TPTE: variants seen among roughly 807,000 people sequenced by gnomAD.
The protein encoded by TPTE is putative tyrosine-protein phosphatase TPTE.
Under a neutral mutation model 84.1 loss-of-function variants are expected in TPTE, and 59 were observed. The observed-to-expected ratio is 0.70, with a 90% confidence interval of 0.57 to 0.87. The LOEUF (loss-of-function observed/expected upper bound fraction) is 0.87. Among genes scored for constraint, TPTE ranks in the 40% least tolerant of loss-of-function variants. TPTE has a pLI of 0.00. For missense variants in TPTE, 382 were observed against 659.6 expected (o/e 0.58, Z 4.61); for synonymous variants, 130 against 223.5 (o/e 0.58, Z 3.73).
At position 10,564,489 on chromosome 21, in the gene TPTE, G is replaced by A. The variant is rs570617883; in HGVS notation, c.447-3181G>A. 9.8e-5 allele frequency among the ~76,000 whole-genome samples: 15 copies of A among 152,422 alleles called. No individual in the cohort carries two copies. In the South Asian group the frequency reaches 2.9e-3, roughly 29 times the overall value. On this transcript the variant is annotated intron_variant, in intron 10 of 23. Coordinates refer to ENST00000618007, the MANE Select transcript of TPTE (RefSeq NM_199261.4). ...CACACCACTGCACTCTAGCCTGGGT[G>A]ACAGAGTGAGATTCAGTCTCAAAAA...
chr21:10,538,827 C>T, intron 4 of TPTE, 93 bp downstream of exon 4: 1 of 1,612,462 alleles, frequency 6.2e-7, no homozygotes, highest in East Asian at 2.2e-5. Flanking sequence ...TATATCCATC[C>T]ATCCATCCAT....
chr21:10,590,246 G>A (rs2075442631), intron 17 of TPTE, among the ~76,000 whole-genome samples: 1 of 152,310 alleles, frequency 6.6e-6, no homozygotes, highest in Non-Finnish European at 1.5e-5. Flanking sequence ...GATGGTGAGA[G>A]ATATTTTTAC....
At chr21:10,528,592 T>C (rs1490487626) in intron 3 of TPTE, among the ~76,000 whole-genome samples, 6 of 152,306 alleles carry the variant, frequency 3.9e-5, no homozygotes, top group Admixed American at 3.9e-4. Context: ...ACATAGAGCT[T>C]TATAATAAGC....
chr21:10,572,576 C>T (rs1399511658), intron 14 of TPTE, among the ~76,000 whole-genome samples: 1 of 151,122 alleles, frequency 6.6e-6, no homozygotes, highest in East Asian at 2.0e-4. Context: ...GGTCAGTAGA[C>T]AATAAGATGG....
chr21:10,553,252 A>G (rs1326865825), intron 8 of TPTE, among the ~76,000 whole-genome samples: 1 of 152,294 alleles, frequency 6.6e-6, no homozygotes, highest in Non-Finnish European at 1.5e-5. Flanking sequence ...TAATGAAACA[A>G]TACATTCTTA....
intron 3 of TPTE, among the ~76,000 whole-genome samples, chr21:10,535,867 T>C (rs2074257388): frequency 6.6e-6 from 1 of 152,310 alleles, no homozygotes; most frequent in African/African-American, 2.4e-5. Flanking sequence ...TCATATCTTC[T>C]GGGCAAGAAA....
intron 1 of TPTE, among the ~76,000 whole-genome samples, chr21:10,522,286 C>G (rs1333886714): frequency 2.0e-5 from 3 of 152,294 alleles, no homozygotes; most frequent in Non-Finnish European, 4.4e-5. Context: ...GGCCGTCACA[C>G]TCACGCTGCA....
At chr21:10,594,102 C>T (rs1423369770) in intron 19 of TPTE, among the ~76,000 whole-genome samples, 10 of 152,424 alleles carry the variant, frequency 6.6e-5, no homozygotes, top group African/African-American at 1.7e-4. Context: ...ATAAACTAAA[C>T]GTTTCAACCT....
chr21:10,529,573 T>C (rs2074140859), intron 3 of TPTE, among the ~76,000 whole-genome samples: 1 of 152,312 alleles, frequency 6.6e-6, no homozygotes, highest in Non-Finnish European at 1.5e-5. Flanking sequence ...TTACAACATC[T>C]TTTATATGAG....
chr21:10,602,309 A>G (rs1386745627), intron 22 of TPTE, among the ~76,000 whole-genome samples, 159 bp downstream of exon 22: 1 of 152,312 alleles, frequency 6.6e-6, no homozygotes, highest in East Asian at 1.9e-4. Flanking sequence ...TATGTAATTT[A>G]AATAATTTTT....
intron 3 of TPTE, among the ~76,000 whole-genome samples, chr21:10,532,934 C>G (rs1387832976): frequency 1.3e-5 from 2 of 152,300 alleles, no homozygotes; most frequent in African/African-American, 2.4e-5. Context: ...TTTGCTGTTT[C>G]TAGAAGGTGT....
intron 13 of TPTE, 91 bp from the exon 14 acceptor site, chr21:10,570,394 A>C: frequency 6.3e-7 from 1 of 1,593,408 alleles, no homozygotes; most frequent in East Asian, 2.2e-5. Flanking sequence ...TTTTCTGTGA[A>C]AATGGAATCT....
chr21:10,601,501 A>C (rs79645572), intron 21 of TPTE, among the ~76,000 whole-genome samples: 1 of 147,040 alleles, frequency 6.8e-6, no homozygotes, highest in Middle Eastern at 3.4e-3. Context: ...TGTCTCAAAC[A>C]AAAAAAAAAG....
At position 10,538,354 on chromosome 21, in the gene TPTE, A is replaced by G. The variant is rs563142156; in HGVS notation, c.-43-327A>G. ...CTTTCGAGGCAGCACATTTAGTGGA[A>G]TAAGAGGGCTGACTACCTCCACACA... On this transcript the variant is annotated intron_variant, in intron 3 of 23. Coordinates refer to ENST00000618007, the MANE Select transcript of TPTE (RefSeq NM_199261.4). 3.9e-5 allele frequency among the ~76,000 whole-genome samples: 6 copies of G among 152,424 alleles called. No homozygotes were observed. The South Asian group carries it at 6.2e-4, about 16-fold the overall frequency.
At chr21:10,578,986 A>G (rs1415499364) in intron 17 of TPTE, among the ~76,000 whole-genome samples, 73 of 151,684 alleles carry the variant, frequency 4.8e-4, no homozygotes, top group Non-Finnish European at 1.0e-3. Context: ...TTAAATTAAC[A>G]AATAAAAAAC....
intron 3 of TPTE, among the ~76,000 whole-genome samples, chr21:10,529,508 TAA>T (rs1235447207): frequency 6.6e-6 from 1 of 152,310 alleles, no homozygotes; most frequent in Non-Finnish European, 1.5e-5. Flanking sequence ...TTCTTATTGT[TAA>T]GTTATTCATC....
At chr21:10,552,520 G>A (rs1449584292) in intron 7 of TPTE, 137 bp from the exon 8 acceptor site, 1 of 1,398,232 alleles carries the variant, frequency 7.2e-7, no homozygotes, top group Non-Finnish European at 9.6e-7. Flanking sequence ...TAAATATTAG[G>A]TCTTCCAGTG....
chr21:10,579,329 A>T (rs1245325362), intron 17 of TPTE, among the ~76,000 whole-genome samples: 107 of 152,136 alleles, frequency 7.0e-4, no homozygotes, highest in Middle Eastern at 6.9e-3. Context: ...CTCTACTAAA[A>T]ATTACAAAAC....
chr21:10,543,534 A>G (rs1474314198), intron 7 of TPTE, 152 bp downstream of exon 7: 5 of 1,455,020 alleles, frequency 3.4e-6, no homozygotes, highest in Non-Finnish European at 3.8e-6. Flanking sequence ...CAAAATGGAA[A>G]CACAAAACAC....
Sources: gnomAD v4.1 joint callset for allele counts (sites outside exome capture counted in the v4.1 genomes callset) on GRCh38, gnomAD v4.1.1 for gene constraint, MANE v1.5 for transcripts, NCBI Gene and HGNC (gene_info 2026-07-23, HGNC 2026-07-21) for gene names.